ST3GAL3: variants seen among roughly 807,000 people sequenced by gnomAD.
The protein encoded by ST3GAL3 is ST3 beta-galactoside alpha-2,3-sialyltransferase 3, also known as CMP-N-acetylneuraminate-beta-1,4-galactoside alpha-2,3-sialyltransferase.
In ST3GAL3, 21 loss-of-function variants were observed where a neutral mutation model predicts 50.1. The ratio of observed to expected loss-of-function variants is 0.42; its 90% CI spans 0.30 to 0.60. The LOEUF is 0.60. Among genes scored for constraint, ST3GAL3 ranks in the 20% least tolerant of loss-of-function variants. ST3GAL3 has a pLI of 0.19. For missense variants in ST3GAL3, 353 were observed against 489.4 expected, an observed-to-expected ratio of 0.72 and a Z score of 2.63; for synonymous variants, 183 against 190.0, an observed-to-expected ratio of 0.96 and a Z score of 0.30.
chr1:43,822,955 A>G (rs2062299932), intron 4 of ST3GAL3, among the ~76,000 whole-genome samples: 1 of 152,122 alleles, frequency 6.6e-6, no homozygotes, highest in Admixed American at 6.6e-5. Flanking sequence ...GCAGCTAACT[A>G]CATCCTTCCA....
intron 4 of ST3GAL3, chr1:43,824,670 T>C: frequency 6.2e-7 from 1 of 1,611,966 alleles, no homozygotes; most frequent in Non-Finnish European, 8.5e-7. Context: ...TTCAAAGACT[T>C]TCTCCTAGAC....
chr1:43,818,586 T>C (rs2061698391), intron 4 of ST3GAL3, among the ~76,000 whole-genome samples: 1 of 152,248 alleles, frequency 6.6e-6, no homozygotes. Flanking sequence ...CTTGTTCTCA[T>C]GGTTTTATGA....
In ST3GAL3 at chr1:43,899,153, C is replaced by T; in HGVS notation, c.462-15C>T. 6.2e-7 allele frequency: 1 copy of T among 1,614,066 alleles called. No individual in the cohort carries two copies. Among genetic ancestry groups the T allele is most frequent in the South Asian group, 1.1e-5 (1 of 91,084 alleles). ...GCAGCTCTCTGTACAGAGGTCTCCG[C>T]CTCTCTCCCCTCAGCCTCCGCTGCC... On this transcript the variant is annotated splice_polypyrimidine_tract_variant and intron_variant, in intron 7 of 11. Coordinates refer to ENST00000347631, the MANE Select transcript of ST3GAL3 (RefSeq NM_006279.5). This position sits in a 1 kb window ranked among gnomAD's most constrained non-coding sequence, Gnocchi z 5.4.
At position 43,854,709 on chromosome 1, in the gene ST3GAL3, CAG is replaced by C. The variant is rs2068001745; in HGVS notation, c.302+16399_302+16400del. On this transcript the variant is annotated intron_variant, in intron 5 of 11. Coordinates refer to ENST00000347631, the MANE Select transcript of ST3GAL3 (RefSeq NM_006279.5). ...GGATGACTCAAAAGCATCACAAGCT[CAG>C]TGTATCCAACGCACCGAATTTCCAA... is the stretch of plus-strand genomic sequence containing the variant. 2.6e-5 allele frequency among the ~76,000 whole-genome samples: 4 copies of C among 152,360 alleles called. No individual in the cohort carries two copies. In the South Asian group the frequency reaches 8.3e-4, roughly 32 times the overall value.
Position 43,917,459 on chromosome 1 carries a change from T to TATATATA in ST3GAL3, c.745-2930_745-2924dup, listed in dbSNP as rs1234775319. Among the ~76,000 whole-genome samples, 9 of 21,530 alleles carry TATATATA rather than the reference T, an allele frequency of 4.2e-4. No individual in the cohort carries two copies. The East Asian group carries it at 0.011, about 27-fold the overall frequency. 14.1% of individuals were successfully genotyped at this position (21,530 alleles called of 152,430 possible). A position where few individuals can be genotyped will look rare whatever the true frequency, so the allele number is the denominator to read the frequency against. On this transcript the variant is annotated intron_variant, in intron 9 of 11. Coordinates refer to ENST00000347631, the MANE Select transcript of ST3GAL3 (RefSeq NM_006279.5). ...TGCATATATAATATATAATATATAA[T>TATATATA]ATATATAATATATAATATATATAAT...
At chr1:43,827,729 G>A (rs2063009791) in intron 4 of ST3GAL3, among the ~76,000 whole-genome samples, 2 of 152,058 alleles carry the variant, frequency 1.3e-5, no homozygotes, top group African/African-American at 4.8e-5. Context: ...TGGGGCTGGT[G>A]TCAAACTCCT....
chr1:43,875,960 T>G (rs1214098534), intron 5 of ST3GAL3, among the ~76,000 whole-genome samples: 2 of 97,778 alleles, frequency 2.0e-5, no homozygotes, highest in Non-Finnish European at 4.9e-5. Flanking sequence ...CTTATTATTA[T>G]TATTATTATT....
At chr1:43,845,112 T>C (rs947154062) in intron 5 of ST3GAL3, among the ~76,000 whole-genome samples, 17 of 152,154 alleles carry the variant, frequency 1.1e-4, no homozygotes, top group African/African-American at 4.1e-4. Context: ...GCCTCCCGAG[T>C]AGCTGGATTA....
chr1:43,756,683 C>G lies in ST3GAL3; in HGVS notation c.118+20303C>G, dbSNP rs142908671. Among the ~76,000 whole-genome samples, 14 of 152,188 alleles carry G rather than the reference C, an allele frequency of 9.2e-5. No homozygotes were observed. The East Asian group carries it at 2.7e-3, about 29-fold the overall frequency. ...TTTCCATAGGGTTCATTGCAACTCA[C>G]TTGATATGGTTGGATAATTGTTTCT... On this transcript the variant is annotated intron_variant, in intron 2 of 11. Transcript: ENST00000347631.
At chr1:43,927,392 T>C (rs2084190422) in intron 11 of ST3GAL3, among the ~76,000 whole-genome samples, 2 of 152,324 alleles carry the variant, frequency 1.3e-5, no homozygotes, top group South Asian at 4.1e-4. Context: ...GACTATTTTT[T>C]AAATTATTAC....
chr1:43,895,210 A>G (rs771161720), intron 6 of ST3GAL3, among the ~76,000 whole-genome samples: 1 of 152,102 alleles, frequency 6.6e-6, no homozygotes, highest in African/African-American at 2.4e-5. Flanking sequence ...GCCCATCCTG[A>G]TATTTTTCAC....
chr1:43,863,507 G>T (rs2070532755), intron 5 of ST3GAL3, among the ~76,000 whole-genome samples: 2 of 152,220 alleles, frequency 1.3e-5, no homozygotes, highest in African/African-American at 2.4e-5. Context: ...CACAAGTCAA[G>T]TTCAAACAAA....
chr1:43,929,534 C>G (rs113896567), intron 11 of ST3GAL3, among the ~76,000 whole-genome samples: 5,082 of 152,224 alleles, frequency 0.033, 317 homozygotes, highest in African/African-American at 0.12. Context: ...AACTCCTGAC[C>G]TCGTGATCCA....
At chr1:43,714,137 G>A (rs1157159252) in intron 1 of ST3GAL3, among the ~76,000 whole-genome samples, 5 of 151,542 alleles carry the variant, frequency 3.3e-5, no homozygotes, top group Admixed American at 6.6e-5. Flanking sequence ...GGTGGCAGGC[G>A]CCTGTAATCC....
chr1:43,930,293 TCTTCAG>T lies in ST3GAL3; in HGVS notation c.*73_*78del, dbSNP rs2084854439. The T allele has an allele frequency of 6.9e-7, 1 of 1,447,004 alleles. No individual in the cohort carries two copies. The highest frequency in any genetic ancestry group is 1.4e-5 in the African/African-American group (1 of 71,294). 89.6% of individuals were successfully genotyped at this position (1,447,004 alleles called of 1,614,324 possible). A position where few individuals can be genotyped will look rare whatever the true frequency, so the allele number is the denominator to read the frequency against. On this transcript the variant is annotated 3_prime_UTR_variant, in exon 12 of 12. Transcript: ENST00000347631. ...GCAGCCAGCACCACCTACACAGGAG[TCTTCAG>T]ACCCAGAGAAGGACGGTGCCAAGGG...
chr1:43,765,753 C>CTGTGTG lies in ST3GAL3; in HGVS notation c.119-26322_119-26317dup, dbSNP rs778848698. On this transcript the variant is annotated intron_variant, in intron 2 of 11. Coordinates refer to ENST00000347631, the MANE Select transcript of ST3GAL3 (RefSeq NM_006279.5). ...TGTGCATGTGTGTGTCTGTGTGTGT[C>CTGTGTG]TGTGTGTGTGTGTGTGTGTGTGTGT... Among the ~76,000 whole-genome samples the CTGTGTG allele has an allele frequency of 4.2e-3, 482 of 115,780 alleles. 1 individual carries two copies. Among genetic ancestry groups the CTGTGTG allele is most frequent in the Non-Finnish European group, 6.1e-3 (320 of 52,578 alleles). 76.0% of individuals were successfully genotyped at this position (115,780 alleles called of 152,430 possible).
intron 2 of ST3GAL3, among the ~76,000 whole-genome samples, chr1:43,783,722 G>A (rs1319219234): frequency 1.3e-5 from 2 of 151,870 alleles, no homozygotes; most frequent in African/African-American, 4.8e-5. Context: ...TGTAAGCAGT[G>A]CCACCCTTAC....
intron 9 of ST3GAL3, among the ~76,000 whole-genome samples, chr1:43,910,262 G>T (rs1043790246): frequency 6.6e-6 from 1 of 152,180 alleles, no homozygotes; most frequent in Non-Finnish European, 1.5e-5. Context: ...CCTGCCGAGG[G>T]TGTGGGCACC....
Position 43,894,381 on chromosome 1 carries a change from A to C in ST3GAL3, c.303-2A>C, listed in dbSNP as rs992663534. ...ATCCTCAGCAGTCCTGTTATATTCC[A>C]GGTTCTCCAAGCCAGCACCCATGTT... On this transcript the variant is annotated splice_acceptor_variant, in intron 5 of 11. Coordinates refer to ENST00000347631, the MANE Select transcript of ST3GAL3 (RefSeq NM_006279.5). LOFTEE classifies it high-confidence loss of function. The C allele has an allele frequency of 6.2e-7, 1 of 1,614,088 alleles. No individual in the cohort carries two copies. Among genetic ancestry groups the C allele is most frequent in the Non-Finnish European group, 8.5e-7 (1 of 1,179,954 alleles).
Sources: gnomAD v4.1 joint callset for allele counts (sites outside exome capture counted in the v4.1 genomes callset) on GRCh38, gnomAD v4.1.1 for gene constraint, Gnocchi (gnomAD v3.1) non-coding constraint, MANE v1.5 for transcripts, NCBI Gene and HGNC (gene_info 2026-07-23, HGNC 2026-07-21) for gene names.